The following ELOA2 variants were observed in gnomAD, a reference collection of about 807,000 sequenced individuals.
The protein encoded by ELOA2 is elongin-A2.
For synonymous variants in ELOA2, 497 were observed against 398.8 expected (o/e 1.25, Z -2.94); for missense variants, 1,271 against 979.7 (o/e 1.30, Z -3.97).
Position 47,033,561 on chromosome 18 carries a change from A to G in ELOA2, c.1704T>C (p.Tyr568=), listed in dbSNP as rs554546241. The G allele has an allele frequency of 2.5e-6, 4 of 1,614,126 alleles. No individual in the cohort carries two copies. The highest frequency in any genetic ancestry group is 2.2e-5 in the East Asian group (1 of 44,870). The change falls in exon 1 of 1, where the codon TAT becomes TAC. Residue 568 remains tyrosine (Y), a synonymous_variant. Coordinates refer to ENST00000332567, the MANE Select transcript of ELOA2 (RefSeq NM_016427.3). Reference sequence around the variant, plus strand: ...GTGCGTGATTGTCTTTCTTTCTGCGATACAGCTGATCGGGCCTCCACCCTT... The same window carrying G: ...GTGCGTGATTGTCTTTCTTTCTGCGGTACAGCTGATCGGGCCTCCACCCTT... ...VLEGWRPDQL[Y]RRKKDNHALV... is the part of the protein sequence containing the mutation.
Position 47,033,475 on chromosome 18 carries a change from T to C in ELOA2, c.1790A>G (p.Lys597Arg), listed in dbSNP as rs2060588194. 5.0e-6 allele frequency: 8 copies of C among 1,614,182 alleles called. No homozygotes were observed. Among genetic ancestry groups the C allele is most frequent in the Non-Finnish European group, 5.9e-6 (7 of 1,180,030 alleles). The change falls in exon 1 of 1, where the codon AAG becomes AGG. Residue 597 changes from lysine to arginine, a missense_variant. Lys to Arg is a conservative substitution (Grantham distance 26, BLOSUM62 2). Transcript: ENST00000332567. ...NHCFQDFKEE[K>R]PQENKTWREQ... ...CCTCCAAGTTTTGTTTTCCTGTGGC[T>C]TTTCTTCCTTGAAGTCCTGGAAACA... is the stretch of plus-strand genomic sequence containing the variant.
rs749455269 is a variant in ELOA2 at position 47,033,688 on chromosome 18, A to C, written c.1577T>G (p.Val526Gly). The C allele has an allele frequency of 4.3e-6, 7 of 1,614,080 alleles. No individual in the cohort carries two copies. Among genetic ancestry groups the C allele is most frequent in the Middle Eastern group, 3.3e-4 (2 of 6,084 alleles). ...SGSRPACQLQ[V>G]PTLRQQCAQV... ...GGCACACTGCTGGCGCAGCGTCGGCACCTGGAGCTGGCAGGCAGGCCTGGA... is the reference window on the plus strand; with the variant it reads ...GGCACACTGCTGGCGCAGCGTCGGCCCCTGGAGCTGGCAGGCAGGCCTGGA... Residue 526 changes from valine to glycine, a missense_variant, in exon 1 of 1, where the codon GTG (valine) becomes GGG (glycine). Physicochemically the swap from Val to Gly is moderately radical, Grantham distance 109. Transcript: ENST00000332567.
In ELOA2 at chr18:47,035,535, CAACAAAGAATGAAG is replaced by C. The variant is rs2060733347; in HGVS notation, c.-285_-272del. 1.5e-6 allele frequency: 1 copy of C among 677,470 alleles called. No homozygotes were observed. The highest frequency in any genetic ancestry group is 1.8e-5 in the African/African-American group (1 of 54,994). The allele number at this position is 677,470 out of a possible 1,614,324, so 42.0% of individuals were successfully genotyped here. ...GGAGTGACCTCTGCAGTTTGCTGTG[CAACAAAGAATGAAG>C]CTCTGGTGCCAGAGCTGGGCCTTAT... On this transcript the variant is annotated 5_prime_UTR_variant, in exon 1 of 1. It introduces an in-frame stop codon into an upstream open reading frame of the 5' UTR. Transcript: ENST00000332567.
Position 47,034,125 on chromosome 18 carries a change from A to T in ELOA2, c.1140T>A (p.Thr380=), listed in dbSNP as rs756687456. ...VDMAEEFEQP[T]LSCEKYLTYD... ...AGGTGAGGTATTTTTCACATGACAG[A>T]GTGGGCTGCTCGAATTCCTCAGCCA... The change falls in exon 1 of 1, where the codon ACT becomes ACA. Residue 380 remains threonine (T), a synonymous_variant. Transcript: ENST00000332567. 1.2e-5 allele frequency: 19 copies of T among 1,614,042 alleles called. No individual in the cohort carries two copies. The highest frequency in any genetic ancestry group is 1.4e-5 in the Non-Finnish European group (16 of 1,180,042).
At position 47,035,183 on chromosome 18, in the gene ELOA2, C is replaced by T. The variant is rs763317457; in HGVS notation, c.82G>A (p.Glu28Lys). 1.2e-6 allele frequency: 2 copies of T among 1,612,466 alleles called. No homozygotes were observed. The highest frequency in any genetic ancestry group is 1.1e-5 in the South Asian group (1 of 91,000). The part of the protein sequence containing the change: ...LATKTEPKKL[E>K]KYLQKLSALP... ...GCGGAGAGTTTCTGCAAATATTTCT[C>T]TAGCTTTTTCGGCTCCGTCTTAGTG... Residue 28 changes from glutamate (E) to lysine (K), a missense_variant, in exon 1 of 1, where the codon GAG (glutamate) becomes AAG (lysine). Physicochemically the swap from Glu to Lys is moderately conservative, Grantham distance 56. Coordinates refer to ENST00000332567, the MANE Select transcript of ELOA2 (RefSeq NM_016427.3).
chr18:47,035,291 G>T lies in ELOA2; in HGVS notation c.-27C>A, dbSNP rs1479761870. The T allele has an allele frequency of 9.3e-6, 15 of 1,611,724 alleles. No individual in the cohort carries two copies. The highest frequency in any genetic ancestry group is 1.3e-5 in the Non-Finnish European group (15 of 1,179,578). On this transcript the variant is annotated 5_prime_UTR_variant, in exon 1 of 1. Coordinates refer to ENST00000332567, the MANE Select transcript of ELOA2 (RefSeq NM_016427.3). ...TCACCAGAGCTGTGCAGGCGTCGCTGTCCCGGCGGTCGCAGCTCTGTCTTT... is the reference window on the plus strand; with the variant it reads ...TCACCAGAGCTGTGCAGGCGTCGCTTTCCCGGCGGTCGCAGCTCTGTCTTT...
Position 47,033,495 on chromosome 18 carries a change from G to A in ELOA2, c.1770C>T (p.Phe590=), listed in dbSNP as rs1382014304. ...GTGGCTTTTCTTCCTTGAAGTCCTG[G>A]AAACAATGATTCCTCCGTAATTCGT... ...ETDELRRNHC[F]QDFKEEKPQE... The change falls in exon 1 of 1, where the codon TTC becomes TTT. Residue 590 remains phenylalanine (F), a synonymous_variant. Coordinates refer to ENST00000332567, the MANE Select transcript of ELOA2 (RefSeq NM_016427.3). The A allele has an allele frequency of 6.2e-7, 1 of 1,614,146 alleles. No individual in the cohort carries two copies. Among genetic ancestry groups the A allele is most frequent in the Non-Finnish European group, 8.5e-7 (1 of 1,180,022 alleles).
Position 47,034,392 on chromosome 18 carries a change from G to A in ELOA2, c.873C>T (p.Gly291=). Residue 291 remains glycine (G), a synonymous_variant, in exon 1 of 1, where the codon GGC becomes GGT. Transcript: ENST00000332567. The part of the protein sequence containing the change: ...TDKEGGQAGS[G]QRVPALEEAP... ...CCTCCTCCAAGGCAGGGACACGCTG[G>A]CCGCTGCCAGCTTGCCCCCCTTCCT... The A allele has an allele frequency of 3.1e-6, 5 of 1,614,050 alleles. No homozygotes were observed. The highest frequency in any genetic ancestry group is 1.1e-5 in the South Asian group (1 of 91,086).
In ELOA2 at chr18:47,035,356, C is replaced by A; in HGVS notation, c.-92G>T. 4 of 1,587,980 alleles carry A rather than the reference C, an allele frequency of 2.5e-6. No individual in the cohort carries two copies. The highest frequency in any genetic ancestry group is 2.6e-6 in the Non-Finnish European group (3 of 1,166,630). ...GGAAGTCTGGGGTGGCCGGTCCTCG[C>A]TGCCCGGTCGCCAGGCAGCGACCTC... is the stretch of plus-strand genomic sequence containing the variant. On this transcript the variant is annotated 5_prime_UTR_variant, in exon 1 of 1. Transcript: ENST00000332567.
chr18:47,034,368 C>T lies in ELOA2; in HGVS notation c.897G>A (p.Glu299=). 1.2e-6 allele frequency: 2 copies of T among 1,614,056 alleles called. No individual in the cohort carries two copies. The highest frequency in any genetic ancestry group is 1.7e-6 in the Non-Finnish European group (2 of 1,180,008). Residue 299 remains glutamate, a synonymous_variant, in exon 1 of 1, where the codon GAG becomes GAA. Transcript: ENST00000332567. The part of the protein sequence containing the change: ...GSGQRVPALE[E]APDSHQKRPQ... ...GCCTCTTCTGGTGACTGTCTGGAGC[C>T]TCCTCCAAGGCAGGGACACGCTGGC...
At position 47,033,069 on chromosome 18, in the gene ELOA2, G is replaced by C. The variant is rs557587564; in HGVS notation, c.2196C>G (p.Ala732=). 3.7e-4 allele frequency: 604 copies of C among 1,614,134 alleles called. 6 individuals carry two copies. The South Asian group carries it at 6.0e-3, about 16-fold the overall frequency. The change falls in exon 1 of 1, where the codon GCC becomes GCG. Residue 732 remains alanine (A), a synonymous_variant. Transcript: ENST00000332567. ...APAAKTRKQA[A]KKVAPLMAKA... The stretch of plus-strand genomic sequence containing the variant: ...TGGCCATCAGCGGGGCCACTTTCTT[G>C]GCAGCCTGTTTCCGGGTTTTGGCCG...
chr18:47,033,582 C>T lies in ELOA2; in HGVS notation c.1683G>A (p.Gly561=), dbSNP rs1457748598. 6.2e-7 allele frequency: 1 copy of T among 1,614,072 alleles called. No individual in the cohort carries two copies. Among genetic ancestry groups the T allele is most frequent in the South Asian group, 1.1e-5 (1 of 91,086 alleles). Residue 561 remains glycine (G), a synonymous_variant, in exon 1 of 1, where the codon GGG becomes GGA. Transcript: ENST00000332567. ...TGCGATACAGCTGATCGGGCCTCCA[C>T]CCTTCCAGAACAGGTTCAAGAACCC... is the stretch of plus-strand genomic sequence containing the variant. ...PYWVLEPVLE[G]WRPDQLYRRK... is the part of the protein sequence containing the mutation.
In ELOA2 at chr18:47,034,489, C is replaced by T; in HGVS notation, c.776G>A (p.Arg259Lys). The change falls in exon 1 of 1, where the codon AGA (arginine) becomes AAA (lysine). Residue 259 changes from arginine (R) to lysine (K), a missense_variant. Physicochemically the swap from Arg to Lys is conservative, Grantham distance 26 (BLOSUM62 2). Transcript: ENST00000332567. ...GGAGGGCATCCTTGGGGTTTCCTCT[C>T]TTAAGCAGGCCCCGCATGATTTCTC... Reference protein sequence around the residue: ...IREKSCGACLREETPRMPSWA... With the variant: ...IREKSCGACLKEETPRMPSWA... 1.9e-6 allele frequency: 3 copies of T among 1,614,180 alleles called. No homozygotes were observed. Among genetic ancestry groups the T allele is most frequent in the Non-Finnish European group, 2.5e-6 (3 of 1,180,024 alleles).
In ELOA2 at chr18:47,033,714, G is replaced by A. The variant is rs564539319; in HGVS notation, c.1551C>T (p.Gly517=). The A allele has an allele frequency of 6.2e-7, 1 of 1,614,184 alleles. No homozygotes were observed. Among genetic ancestry groups the A allele is most frequent in the East Asian group, 2.2e-5 (1 of 44,888 alleles). ...CCTGGAGCTGGCAGGCAGGCCTGGAGCCCGAGTACACCGGCATCTTAGCAT... is the reference window on the plus strand; with the variant it reads ...CCTGGAGCTGGCAGGCAGGCCTGGAACCCGAGTACACCGGCATCTTAGCAT... ...RVNAKMPVYS[G]SRPACQLQVP... is the part of the protein sequence containing the mutation. The change falls in exon 1 of 1, where the codon GGC becomes GGT. Residue 517 remains glycine, a synonymous_variant. Transcript: ENST00000332567.
Position 47,033,718 on chromosome 18 carries a change from G to A in ELOA2, c.1547C>T (p.Ser516Leu), listed in dbSNP as rs763632969. ...RRVNAKMPVY[S>L]GSRPACQLQV... Reference sequence around the variant, plus strand: ...GAGCTGGCAGGCAGGCCTGGAGCCCGAGTACACCGGCATCTTAGCATTCAC... The same window carrying A: ...GAGCTGGCAGGCAGGCCTGGAGCCCAAGTACACCGGCATCTTAGCATTCAC... The change falls in exon 1 of 1, where the codon TCG becomes TTG. Residue 516 changes from serine (S) to leucine (L), a missense_variant. Physicochemically the swap from Ser to Leu is moderately radical, Grantham distance 145 (BLOSUM62 -2). Transcript: ENST00000332567. 1.4e-5 allele frequency: 22 copies of A among 1,614,068 alleles called. No individual in the cohort carries two copies. Among genetic ancestry groups the A allele is most frequent in the Non-Finnish European group, 1.8e-5 (21 of 1,180,052 alleles).
At position 47,034,736 on chromosome 18, in the gene ELOA2, G is replaced by A; in HGVS notation, c.529C>T (p.Pro177Ser). 6.2e-7 allele frequency: 1 copy of A among 1,613,006 alleles called. No homozygotes were observed. Among genetic ancestry groups the A allele is most frequent in the Non-Finnish European group, 8.5e-7 (1 of 1,179,848 alleles). Reference protein sequence around the residue: ...RYRASPTRTAPLRMPEGPEPA... With the variant: ...RYRASPTRTASLRMPEGPEPA... ...TCAGGGCCCTCGGGCATCCGGAGGG[G>A]AGCTGTGCGCGTTGGAGAGGCCCGA... The change falls in exon 1 of 1, where the codon CCC (proline) becomes TCC (serine). Residue 177 changes from proline to serine, a missense_variant. Pro to Ser is a moderately conservative substitution (Grantham distance 74, BLOSUM62 -1). Coordinates refer to ENST00000332567, the MANE Select transcript of ELOA2 (RefSeq NM_016427.3).
rs1456144755 is a variant in ELOA2 at position 47,033,634 on chromosome 18, A to G, written c.1631T>C (p.Leu544Pro). ...GTAGGGGACCTCTCCCACGTCGCTG[A>G]GGGCGTCCGGATTGTTTCTAAGCAC... Reference protein sequence around the residue: ...AQVLRNNPDALSDVGEVPYWV... With the variant: ...AQVLRNNPDAPSDVGEVPYWV... The change falls in exon 1 of 1, where the codon CTC becomes CCC. Residue 544 changes from leucine (L) to proline (P), a missense_variant. Physicochemically the swap from Leu to Pro is moderately conservative, Grantham distance 98. Coordinates refer to ENST00000332567, the MANE Select transcript of ELOA2 (RefSeq NM_016427.3). 6.2e-7 allele frequency: 1 copy of G among 1,614,026 alleles called. No individual in the cohort carries two copies. The highest frequency in any genetic ancestry group is 1.3e-5 in the African/African-American group (1 of 74,908).
rs1428889308 is a variant in ELOA2, at chr18:47,033,985, G to C, written c.1280C>G (p.Ala427Gly). 1 of 1,613,632 alleles carries C rather than the reference G, an allele frequency of 6.2e-7. No individual in the cohort carries two copies. The highest frequency in any genetic ancestry group is 8.5e-7 in the Non-Finnish European group (1 of 1,180,040). ...TTCCTGGACAGGAGGCAATTTCTTA[G>C]CCGAATCCCAGGACTCACGAGTGCC... ...SKGTRESWDS[A>G]KKLPPVQESQ... Residue 427 changes from alanine (A) to glycine (G), a missense_variant, in exon 1 of 1, where the codon GCT (alanine) becomes GGT (glycine). Coordinates refer to ENST00000332567, the MANE Select transcript of ELOA2 (RefSeq NM_016427.3).
Position 47,034,656 on chromosome 18 carries a change from G to T in ELOA2, c.609C>A (p.Gly203=). The change falls in exon 1 of 1, where the codon GGC becomes GGA. Residue 203 remains glycine, a synonymous_variant. Coordinates refer to ENST00000332567, the MANE Select transcript of ELOA2 (RefSeq NM_016427.3). ...PGRGHTHAAQ[G]GPLLCPGCQG... ...GGCAGCCTGGACACAGCAGAGGCCC[G>T]CCCTGAGCCGCGTGAGTGTGGCCTC... 2 of 1,613,698 alleles carry T rather than the reference G, an allele frequency of 1.2e-6. No homozygotes were observed. The highest frequency in any genetic ancestry group is 8.5e-7 in the Non-Finnish European group (1 of 1,179,918).
Sources: allele counts gnomAD v4.1 joint callset, GRCh38; gene constraint gnomAD v4.1.1; transcripts MANE v1.5; gene names NCBI Gene and HGNC (gene_info 2026-07-23, HGNC 2026-07-21).